Variants in UGGT2 observed in about 807,000 individuals in gnomAD.
The protein encoded by UGGT2 is UDP-glucose:glycoprotein glucosyltransferase 2.
Under a neutral mutation model 192.1 loss-of-function variants are expected in UGGT2, and 180 were observed. That is an observed-to-expected ratio of 0.94 (90% CI 0.83 to 1.06). The LOEUF is 1.06. Among genes scored for constraint, UGGT2 ranks in the 50% least tolerant of loss-of-function variants. UGGT2 has a pLI of 0.00. For synonymous variants in UGGT2, 580 were observed against 591.0 expected, an observed-to-expected ratio of 0.98 and a Z score of 0.27; for missense variants, 1,849 against 1,795.7, an observed-to-expected ratio of 1.03 and a Z score of -0.54.
intron 5 of UGGT2, among the ~76,000 whole-genome samples, chr13:96,007,860 A>G (rs538216259): frequency 6.6e-6 from 1 of 152,236 alleles, no homozygotes; most frequent in African/African-American, 2.4e-5. Flanking sequence ...CCAATGGAAC[A>G]GAATAGAGAA....
At chr13:95,884,839 T>C (rs17189880) in intron 26 of UGGT2, among the ~76,000 whole-genome samples, 159 bp from the exon 27 acceptor site, 4,544 of 152,300 alleles carry the variant, frequency 0.03, 125 homozygotes, top group Non-Finnish European at 0.046. Context: ...TTATGAGAAA[T>C]AGACAATCAT....
chr13:95,966,784 G>GA (rs2050593340), intron 12 of UGGT2, among the ~76,000 whole-genome samples: 2 of 151,968 alleles, frequency 1.3e-5, no homozygotes, highest in Non-Finnish European at 1.5e-5. Context: ...AGAACATGAT[G>GA]AAAAAAATTA....
At chr13:95,942,168 C>G (rs2049704484) in intron 15 of UGGT2, among the ~76,000 whole-genome samples, 1 of 150,664 alleles carries the variant, frequency 6.6e-6, no homozygotes, top group African/African-American at 2.5e-5. Context: ...CTGAATGATT[C>G]TGCTAACAAT....
Position 95,895,279 on chromosome 13 carries a change from A to G in UGGT2, c.2660T>C (p.Phe887Ser). The G allele has an allele frequency of 6.6e-7, 1 of 1,515,862 alleles. No homozygotes were observed. The highest frequency in any genetic ancestry group is 9.0e-7 in the Non-Finnish European group (1 of 1,113,938). 93.9% of individuals were successfully genotyped at this position (1,515,862 alleles called of 1,614,324 possible). A position where few individuals can be genotyped will look rare whatever the true frequency, so the allele number is the denominator to read the frequency against. Residue 887 changes from phenylalanine to serine, a missense_variant, in exon 23 of 39, where the codon TTT (phenylalanine) becomes TCT (serine). Phe to Ser is a radical substitution (Grantham distance 155, BLOSUM62 -2). Coordinates refer to ENST00000376747, the MANE Select transcript of UGGT2 (RefSeq NM_020121.4). ...CAACAAGTAAAAATCTTCTGCATAAAAATCTTCATCTAAAGGTCCTAAGAA... is the reference window on the plus strand; with the variant it reads ...CAACAAGTAAAAATCTTCTGCATAAGAATCTTCATCTAAAGGTCCTAAGAA... The part of the protein sequence containing the change: ...GRFLGPLDED[F>S]YAEDFYLLEK...
chr13:95,925,806 C>A, intron 19 of UGGT2, 32 bp from the exon 20 acceptor site: 1 of 1,443,182 alleles, frequency 6.9e-7, no homozygotes, highest in Non-Finnish European at 9.3e-7. Flanking sequence ...CTCAAATTAA[C>A]TTTTTTTTTA....
At chr13:95,863,196 T>C (rs866901154) in intron 31 of UGGT2, among the ~76,000 whole-genome samples, 1 of 152,168 alleles carries the variant, frequency 6.6e-6, no homozygotes, top group Admixed American at 6.5e-5. Flanking sequence ...TAAAACAGTA[T>C]AGGTATCAAT....
At chr13:95,961,623 A>G (rs564600559) in intron 12 of UGGT2, among the ~76,000 whole-genome samples, 6 of 152,236 alleles carry the variant, frequency 3.9e-5, no homozygotes, top group African/African-American at 1.4e-4. Flanking sequence ...ACAGCTAAAG[A>G]GAGAGAGAGA....
In UGGT2 at chr13:95,970,935, T is replaced by G. The variant is rs913445686; in HGVS notation, c.1185-673A>C. Among the ~76,000 whole-genome samples, 7 of 152,216 alleles carry G rather than the reference T, an allele frequency of 4.6e-5. No individual in the cohort carries two copies. In the East Asian group the frequency reaches 5.8e-4, roughly 13 times the overall value. Reference sequence around the variant, plus strand: ...ATGTAGATATATAAGACCCTGCTTATGGACTTCATCAGTCCTACTTGCCTT... The same window carrying G: ...ATGTAGATATATAAGACCCTGCTTAGGGACTTCATCAGTCCTACTTGCCTT... On this transcript the variant is annotated intron_variant, in intron 11 of 38. Coordinates refer to ENST00000376747, the MANE Select transcript of UGGT2 (RefSeq NM_020121.4).
At chr13:95,889,329 T>G (rs2047735385) in intron 25 of UGGT2, among the ~76,000 whole-genome samples, 1 of 152,196 alleles carries the variant, frequency 6.6e-6, no homozygotes, top group Non-Finnish European at 1.5e-5. Flanking sequence ...CCTACTCGTT[T>G]CATAAACTGA....
At chr13:96,003,913 A>C (rs1173903606) in intron 5 of UGGT2, among the ~76,000 whole-genome samples, 4 of 152,218 alleles carry the variant, frequency 2.6e-5, no homozygotes, top group African/African-American at 9.6e-5. Context: ...CAGACACAGC[A>C]TCTAATAAAT....
chr13:95,931,562 G>C (rs1023995648), intron 17 of UGGT2, among the ~76,000 whole-genome samples: 8 of 151,856 alleles, frequency 5.3e-5, no homozygotes, highest in South Asian at 4.1e-4. Context: ...GGGTGGGGGT[G>C]GGGGGGAGGC....
chr13:95,830,927 A>T (rs991466129), intron 38 of UGGT2, among the ~76,000 whole-genome samples: 7 of 152,284 alleles, frequency 4.6e-5, no homozygotes, highest in Middle Eastern at 3.4e-3. Flanking sequence ...GCACATATAC[A>T]CCACGGAATA....
chr13:95,842,498 C>T (rs1006021042), intron 36 of UGGT2, among the ~76,000 whole-genome samples: 15 of 152,086 alleles, frequency 9.9e-5, no homozygotes, highest in African/African-American at 3.6e-4. Context: ...TTGCAGTAGG[C>T]AGTTTCTGAT....
intron 38 of UGGT2, among the ~76,000 whole-genome samples, chr13:95,827,552 A>C (rs1219634698): frequency 6.6e-6 from 1 of 152,170 alleles, no homozygotes; most frequent in Non-Finnish European, 1.5e-5. Flanking sequence ...AGCTTCCAGA[A>C]CTGTGAGACA....
chr13:95,969,761 C>T (rs915160931), intron 12 of UGGT2, among the ~76,000 whole-genome samples: 9 of 152,184 alleles, frequency 5.9e-5, no homozygotes, highest in East Asian at 1.9e-4. Context: ...CAAATTGTTT[C>T]GGCAGGACTT....
intron 38 of UGGT2, among the ~76,000 whole-genome samples, chr13:95,803,930 A>G (rs114498970): frequency 1.6e-3 from 246 of 152,336 alleles, no homozygotes; most frequent in African/African-American, 5.5e-3. Flanking sequence ...GAAAAGAACT[A>G]AAGCAATATT....
chr13:95,947,538 G>A lies in UGGT2; in HGVS notation c.1542-366C>T, dbSNP rs137881268. Among the ~76,000 whole-genome samples the A allele has an allele frequency of 5.3e-4, 79 of 150,236 alleles. 1 individual carries two copies. Among genetic ancestry groups the A allele is most frequent in the African/African-American group, 1.7e-3 (71 of 40,842 alleles). ...ACAATCCAGGCTCACTGAAACCTCC[G>A]CCTCCCAGGTTCAAGTGATTCTCCT... On this transcript the variant is annotated intron_variant, in intron 14 of 38. Transcript: ENST00000376747.
At chr13:95,851,652 C>A (rs972967733) in intron 36 of UGGT2, among the ~76,000 whole-genome samples, 8 of 152,142 alleles carry the variant, frequency 5.3e-5, no homozygotes, top group Non-Finnish European at 1.0e-4. Flanking sequence ...GAAGTGCTCA[C>A]TACACATTTT....
chr13:95,978,213 T>TA (rs1413402912), intron 10 of UGGT2, among the ~76,000 whole-genome samples: 4 of 151,904 alleles, frequency 2.6e-5, no homozygotes, highest in Non-Finnish European at 4.4e-5. Context: ...AGAGCAAACT[T>TA]ACAAAAAAGA....
Sources: gnomAD v4.1 joint callset for allele counts (sites outside exome capture counted in the v4.1 genomes callset) on GRCh38, gnomAD v4.1.1 for gene constraint, MANE v1.5 for transcripts, NCBI Gene and HGNC (gene_info 2026-07-23, HGNC 2026-07-21) for gene names.